The following NNMT variants were observed in gnomAD, a reference collection of about 807,000 sequenced individuals.
NNMT encodes nicotinamide N-methyltransferase.
NNMT carries 10 observed loss-of-function variants against 11.7 expected under a neutral mutation model. The ratio of observed to expected loss-of-function variants is 0.85; its 90% CI spans 0.53 to 1.45. NNMT has a LOEUF of 1.45. Among genes scored for constraint, NNMT ranks in the 40% most tolerant of loss-of-function variants. NNMT has a pLI of 0.00. For missense variants in NNMT, 381 were observed against 319.4 expected, an observed-to-expected ratio of 1.19 and a Z score of -1.47; for synonymous variants, 143 against 133.8, an observed-to-expected ratio of 1.07 and a Z score of -0.48.
rs373114758 is a variant in NNMT at position 114,297,926 on chromosome 11, C to T, written c.155-25C>T. The stretch of plus-strand genomic sequence containing the variant: ...ACTGCCATGAGATGCCTGATCTCTC[C>T]TCTTTGTTCCTCCCACTAATCCAGA... On this transcript the variant is annotated intron_variant, in intron 1 of 2. Coordinates refer to ENST00000299964, the MANE Select transcript of NNMT (RefSeq NM_006169.3). The T allele has an allele frequency of 6.2e-6, 10 of 1,606,142 alleles. No homozygotes were observed. In the African/African-American group the frequency reaches 1.3e-4, roughly 21 times the overall value.
intron 2 of NNMT, among the ~76,000 whole-genome samples, chr11:114,278,125 G>A (rs1945228530): frequency 1.3e-5 from 2 of 152,216 alleles, no homozygotes; most frequent in South Asian, 2.1e-4. Flanking sequence ...TCTGCAGGCT[G>A]TACAAGCATG....
intron 2 of NNMT, among the ~76,000 whole-genome samples, chr11:114,268,747 C>T (rs868195285): frequency 4.7e-5 from 6 of 128,410 alleles, no homozygotes; most frequent in East Asian, 4.8e-4. Flanking sequence ...CCAGCCTGGA[C>T]GATGGAGCGA....
intron 2 of NNMT, among the ~76,000 whole-genome samples, chr11:114,278,260 G>A (rs904303064): frequency 6.6e-6 from 1 of 151,966 alleles, no homozygotes; most frequent in Non-Finnish European, 1.5e-5. Context: ...GAGATGCCAG[G>A]CTTCTTTAAA....
At position 114,312,274 on chromosome 11, in the gene NNMT, G is replaced by A. The variant is rs777060632; in HGVS notation, c.592G>A (p.Ala198Thr). The change falls in exon 3 of 3, where the codon GCG becomes ACG. Residue 198 changes from alanine to threonine, a missense_variant. Ala to Thr is a moderately conservative substitution (Grantham distance 58, BLOSUM62 0). Coordinates refer to ENST00000299964, the MANE Select transcript of NNMT (RefSeq NM_006169.3). ...AGGGGGCTTCCTGGTGATCATGGAT[G>A]CGCTCAAGAGCAGCTACTACATGAT... Reference protein sequence around the residue: ...KPGGFLVIMDALKSSYYMIGE... With the variant: ...KPGGFLVIMDTLKSSYYMIGE... 80 of 1,614,118 alleles carry A rather than the reference G, an allele frequency of 5.0e-5. 1 individual carries two copies. In the Middle Eastern group the frequency reaches 6.6e-4, roughly 13 times the overall value.
intron 2 of NNMT, among the ~76,000 whole-genome samples, chr11:114,272,584 C>A (rs1048627301): frequency 1.3e-5 from 2 of 152,174 alleles, no homozygotes. Flanking sequence ...AGATTTCCTG[C>A]CCCCATAAAG....
intron 1 of NNMT, 73 bp downstream of exon 1, chr11:114,296,783 T>C: frequency 6.8e-7 from 1 of 1,478,932 alleles, no homozygotes; most frequent in Non-Finnish European, 9.3e-7. Flanking sequence ...CGACTGGGTT[T>C]TGTGTCTCTC....
At chr11:114,258,940 C>T (rs1333512677) in intron 1 of NNMT, among the ~76,000 whole-genome samples, 1 of 152,176 alleles carries the variant, frequency 6.6e-6, no homozygotes, top group African/African-American at 2.4e-5. Flanking sequence ...GTCTGGCTCT[C>T]TCAACTTCTC....
chr11:114,259,583 T>A (rs1271206076), intron 1 of NNMT, among the ~76,000 whole-genome samples: 2 of 152,246 alleles, frequency 1.3e-5, no homozygotes, highest in African/African-American at 4.8e-5. Flanking sequence ...CCCCCAGCTC[T>A]CTGTGTGGTT....
At chr11:114,290,440 G>T (rs1279480769) in intron 2 of NNMT, among the ~76,000 whole-genome samples, 1 of 151,958 alleles carries the variant, frequency 6.6e-6, no homozygotes, top group Non-Finnish European at 1.5e-5. Context: ...ATTATTTTGT[G>T]GTGTCTAAAA....
rs749619278 is a variant in NNMT, at chr11:114,296,738, A to G, written c.154+28A>G. ...AAGTCTGTTGTCTGCATGTCTCCCC[A>G]CTAATGTGAGTCATATAGATGGAGT... On this transcript the variant is annotated intron_variant, in intron 1 of 2. Transcript: ENST00000299964. 5.5e-5 allele frequency: 89 copies of G among 1,611,344 alleles called. 2 individuals carry two copies. In the South Asian group the frequency reaches 6.2e-4, roughly 11 times the overall value.
intron 1 of NNMT, among the ~76,000 whole-genome samples, chr11:114,262,567 G>A (rs565684468): frequency 6.6e-6 from 1 of 152,246 alleles, no homozygotes; most frequent in East Asian, 1.9e-4. Flanking sequence ...GCCAACCCCT[G>A]CACTTGGCCT....
At chr11:114,265,556 T>G (rs1400983801) in intron 2 of NNMT, among the ~76,000 whole-genome samples, 2 of 152,218 alleles carry the variant, frequency 1.3e-5, no homozygotes, top group Non-Finnish European at 2.9e-5. Context: ...ATTCCTTAAC[T>G]GTTCCCTGGC....
chr11:114,273,642 C>T (rs974129509), intron 2 of NNMT, among the ~76,000 whole-genome samples: 1 of 152,088 alleles, frequency 6.6e-6, no homozygotes, highest in African/African-American at 2.4e-5. Context: ...GAGTTCAAGT[C>T]CAGCCTGGCC....
intron 2 of NNMT, among the ~76,000 whole-genome samples, chr11:114,275,956 T>C (rs1180188137): frequency 6.6e-6 from 1 of 152,170 alleles, no homozygotes; most frequent in African/African-American, 2.4e-5. Context: ...TTCCATTTCC[T>C]TCTTTCCAGA....
At chr11:114,306,058 G>T (rs372096276) in intron 2 of NNMT, among the ~76,000 whole-genome samples, 1 of 152,172 alleles carries the variant, frequency 6.6e-6, no homozygotes, top group East Asian at 1.9e-4. Context: ...GTGTGAGATG[G>T]TGTCTCATTG....
rs961743834 is a variant in NNMT at position 114,269,074 on chromosome 11, G to A, written c.-130+6140G>A. On this transcript the variant is annotated intron_variant, in intron 2 of 4. Transcript: ENST00000535401. Reference sequence around the variant, plus strand: ...CACACATTTTAAAAAAAAAAGCTGAGGCAAAACGAGACTAAATAACTTGTC... The same window carrying A: ...CACACATTTTAAAAAAAAAAGCTGAAGCAAAACGAGACTAAATAACTTGTC... Among the ~76,000 whole-genome samples the A allele has an allele frequency of 5.3e-5, 8 of 152,158 alleles. No homozygotes were observed. The South Asian group carries it at 1.7e-3, about 32-fold the overall frequency.
chr11:114,298,358 G>C (rs1192635423), intron 2 of NNMT, 200 bp downstream of exon 2: 3 of 570,406 alleles, frequency 5.3e-6, no homozygotes, highest in Non-Finnish European at 9.4e-6. Flanking sequence ...GTGTGCACCA[G>C]AGTAATGGAA....
chr11:114,285,136 C>T (rs1220158436), intron 2 of NNMT, among the ~76,000 whole-genome samples: 1 of 152,096 alleles, frequency 6.6e-6, no homozygotes, highest in Non-Finnish European at 1.5e-5. Context: ...CCTCTCCCTC[C>T]CTCCTTGGCA....
intron 2 of NNMT, among the ~76,000 whole-genome samples, chr11:114,264,284 TG>T (rs1243807885): frequency 2.0e-5 from 3 of 152,154 alleles, no homozygotes; most frequent in African/African-American, 7.2e-5. Context: ...TCTAGAGAGC[TG>T]TCTGCAGACA....
Sources: gnomAD v4.1 joint callset for allele counts (sites outside exome capture counted in the v4.1 genomes callset) on GRCh38, gnomAD v4.1.1 for gene constraint, MANE v1.5 for transcripts, NCBI Gene and HGNC (gene_info 2026-07-23, HGNC 2026-07-21) for gene names.